ZNF737: variants seen among roughly 807,000 people sequenced by gnomAD.
ZNF737 encodes zinc finger protein 102 (Y3).
In ZNF737, 13 loss-of-function variants were observed where a neutral mutation model predicts 11.7. The observed-to-expected ratio is 1.11, with a 90% CI of 0.73 to 1.77. The LOEUF (loss-of-function observed/expected upper bound fraction) is 1.77, where lower values mean the gene tolerates loss of function less well. Among genes scored for constraint, ZNF737 ranks in the 40% most tolerant of loss-of-function variants. ZNF737 has a pLI of 0.00. For synonymous variants in ZNF737, 217 were observed against 216.2 expected (o/e 1.00, Z -0.03); for missense variants, 636 against 638.0 (o/e 1.00, Z 0.03).
At chr19:20,554,893 A>T (rs1207000598) in intron 1 of ZNF737, among the ~76,000 whole-genome samples, 8 of 143,698 alleles carry the variant, frequency 5.6e-5, no homozygotes, top group Admixed American at 5.0e-4. Flanking sequence ...GCAAAGTCTC[A>T]CTCTTGTCCC....
chr19:20,559,937 C>T (rs1370666818), intron 1 of ZNF737, among the ~76,000 whole-genome samples: 2 of 151,420 alleles, frequency 1.3e-5, no homozygotes, highest in East Asian at 2.0e-4. Flanking sequence ...GAGGCCGAGG[C>T]GGGTGGATCA....
Position 20,544,640 on chromosome 19 carries a change from G to C in ZNF737, c.1563C>G (p.Pro521=). Residue 521 remains proline (P), a synonymous_variant, in exon 4 of 4, where the codon CCC becomes CCG. Coordinates refer to ENST00000427401, the MANE Select transcript of ZNF737 (RefSeq NM_001159293.2). The part of the protein sequence containing the change: ...CEECGKGFKC[P]STLTTHKVIH... Reference sequence around the variant, plus strand: ...TTACCTTATGTGTAGTAAGGGTAGAGGGGCACTTAAAGCCTTTGCCACATT... The same window carrying C: ...TTACCTTATGTGTAGTAAGGGTAGACGGGCACTTAAAGCCTTTGCCACATT... The C allele has an allele frequency of 6.2e-7, 1 of 1,608,844 alleles. No homozygotes were observed.
chr19:20,548,982 A>AAAAAAAG, intron 3 of ZNF737, among the ~76,000 whole-genome samples: 1 of 57,424 alleles, frequency 1.7e-5, no homozygotes, highest in Non-Finnish European at 3.5e-5. Flanking sequence ...AAAAAAAAAC[A>AAAAAAAG]ATTATGTATC....
chr19:20,558,408 T>G (rs1467716583), intron 1 of ZNF737, among the ~76,000 whole-genome samples: 1 of 152,176 alleles, frequency 6.6e-6, no homozygotes, highest in Non-Finnish European at 1.5e-5. Context: ...GACACATCTA[T>G]GTATTGCACC....
chr19:20,536,769 T>C (rs33940), downstream of ZNF737, among the ~76,000 whole-genome samples: 92,376 of 152,002 alleles, frequency 0.61, 28,426 homozygotes, highest in East Asian at 0.75. Context: ...TGGCTAAACC[T>C]CTTCTCTACT....
In ZNF737 at chr19:20,538,715, T is replaced by G; in HGVS notation, c.*5877A>C. Reference sequence around the variant, plus strand: ...AAAGAGACAGTAAGGAAATGCTGAGTGGAGGCACCACACTGCACATCAATG... The same window carrying G: ...AAAGAGACAGTAAGGAAATGCTGAGGGGAGGCACCACACTGCACATCAATG... On this transcript the variant is annotated 3_prime_UTR_variant, in exon 4 of 4. Transcript: ENST00000427401. The G allele has an allele frequency of 1.0e-6, 1 of 985,340 alleles. No homozygotes were observed. Among genetic ancestry groups the G allele is most frequent in the Non-Finnish European group, 1.2e-6 (1 of 829,894 alleles). 61.0% of individuals were successfully genotyped at this position (985,340 alleles called of 1,614,324 possible).
At chr19:20,556,207 A>G (rs1555761143) in intron 1 of ZNF737, among the ~76,000 whole-genome samples, 1 of 152,176 alleles carries the variant, frequency 6.6e-6, no homozygotes, top group African/African-American at 2.4e-5. Context: ...CAAAGGTGGA[A>G]CTTAACGCTC....
chr19:20,534,170 G>A (rs1253380474), downstream of ZNF737, among the ~76,000 whole-genome samples: 5 of 150,088 alleles, frequency 3.3e-5, no homozygotes, highest in East Asian at 2.0e-4. Context: ...GAGCTGGGCC[G>A]GTGGCTCATG....
chr19:20,531,267 G>GAGGGGAC (rs1283810189), downstream of ZNF737, among the ~76,000 whole-genome samples: 9 of 139,666 alleles, frequency 6.4e-5, no homozygotes, highest in African/African-American at 2.5e-4. Flanking sequence ...GGAGAGGGGA[G>GAGGGGAC]GGGAGAGGGG....
chr19:20,553,633 A>G (rs782250798), intron 2 of ZNF737, 76 bp downstream of exon 2: 16 of 1,405,362 alleles, frequency 1.1e-5, no homozygotes, highest in Non-Finnish European at 1.5e-5. Flanking sequence ...AGAATAAATT[A>G]CTAAAAAAAT....
chr19:20,543,398 A>T lies in ZNF737; in HGVS notation c.*1194T>A. The T allele has an allele frequency of 1.0e-6, 1 of 986,370 alleles. No homozygotes were observed. Among genetic ancestry groups the T allele is most frequent in the Non-Finnish European group, 1.2e-6 (1 of 829,670 alleles). The allele number at this position is 986,370 out of a possible 1,614,324, so 61.1% of individuals were successfully genotyped here. The stretch of plus-strand genomic sequence containing the variant: ...TGTAATGCTTGTCTTCACAATAAAT[A>T]CTCTTCTTCACTTTAAAGGCTTATA... On this transcript the variant is annotated 3_prime_UTR_variant, in exon 4 of 4. Transcript: ENST00000427401.
At chr19:20,564,450 A>G (rs1434852390) in intron 1 of ZNF737, among the ~76,000 whole-genome samples, 1 of 151,964 alleles carries the variant, frequency 6.6e-6, no homozygotes, top group Non-Finnish European at 1.5e-5. Context: ...TTCCTTGGTA[A>G]CTAGCATTCC....
At chr19:20,549,649 G>C (rs1225371154) in intron 3 of ZNF737, among the ~76,000 whole-genome samples, 2 of 151,952 alleles carry the variant, frequency 1.3e-5, no homozygotes, top group African/African-American at 2.4e-5. Flanking sequence ...AAATTGTCAG[G>C]CCGGGCACAG....
At position 20,538,652 on chromosome 19, in the gene ZNF737, T is replaced by C. The variant is rs897272397; in HGVS notation, c.*5940A>G. 1.0e-6 allele frequency: 1 copy of C among 985,014 alleles called. No individual in the cohort carries two copies. Among genetic ancestry groups the C allele is most frequent in the Admixed American group, 6.2e-5 (1 of 16,260 alleles). 61.0% of individuals were successfully genotyped at this position (985,014 alleles called of 1,614,324 possible). On this transcript the variant is annotated 3_prime_UTR_variant, in exon 4 of 4. Transcript: ENST00000427401. ...AGAACAAACATTTCTAAAACCATTATGGACCCTGAGTAATTCAGGGGGAAT... is the reference window on the plus strand; with the variant it reads ...AGAACAAACATTTCTAAAACCATTACGGACCCTGAGTAATTCAGGGGGAAT...
At chr19:20,547,345 C>T (rs1200624768) in intron 3 of ZNF737, among the ~76,000 whole-genome samples, 3 of 144,128 alleles carry the variant, frequency 2.1e-5, no homozygotes, top group African/African-American at 7.8e-5. Context: ...TGCGTCACTG[C>T]ACTCCAGCCA....
At chr19:20,533,593 A>G (rs552315434), downstream of ZNF737, among the ~76,000 whole-genome samples, 9 of 150,368 alleles carry the variant, frequency 6.0e-5, no homozygotes, top group African/African-American at 1.7e-4. Flanking sequence ...GCTCAGTAGC[A>G]TGTCAGAATA....
Position 20,544,147 on chromosome 19 carries a change from A to C in ZNF737, c.*445T>G, listed in dbSNP as rs1555755773. 1.0e-6 allele frequency: 1 copy of C among 1,002,496 alleles called. No individual in the cohort carries two copies. The highest frequency in any genetic ancestry group is 1.2e-6 in the Non-Finnish European group (1 of 840,274). The allele number at this position is 1,002,496 out of a possible 1,614,324, so 62.1% of individuals were successfully genotyped here. A position where few individuals can be genotyped will look rare whatever the true frequency, so the allele number is the denominator to read the frequency against. On this transcript the variant is annotated 3_prime_UTR_variant, in exon 4 of 4. Coordinates refer to ENST00000427401, the MANE Select transcript of ZNF737 (RefSeq NM_001159293.2). ...TCATCTCAAAAAAAAAAATATTGAA[A>C]ACTTGTTATAGGATTTGCCACATTC...
intron 1 of ZNF737, among the ~76,000 whole-genome samples, chr19:20,555,551 T>C (rs1474701803): frequency 5.3e-5 from 8 of 152,218 alleles, no homozygotes; most frequent in African/African-American, 7.2e-5. Flanking sequence ...CAACATTACA[T>C]GTTCTCCATC....
rs1305503235 is a variant in ZNF737, at chr19:20,539,872, G to T, written c.*4720C>A. On this transcript the variant is annotated 3_prime_UTR_variant, in exon 4 of 4. Transcript: ENST00000427401. ...TAGAATGAGTTCAGCCTTGTTGGTA[G>T]ACTATTGGTATCCCAGAGGCTGATC... 4.1e-6 allele frequency: 4 copies of T among 985,144 alleles called. No homozygotes were observed. In the Admixed American group the frequency reaches 2.5e-4, roughly 61 times the overall value. 61.0% of individuals were successfully genotyped at this position (985,144 alleles called of 1,614,324 possible). A position where few individuals can be genotyped will look rare whatever the true frequency, so the allele number is the denominator to read the frequency against.
Sources: allele counts gnomAD v4.1 joint callset (sites outside exome capture counted in the v4.1 genomes callset), GRCh38; gene constraint gnomAD v4.1.1; transcripts MANE v1.5; gene names NCBI Gene and HGNC (gene_info 2026-07-23, HGNC 2026-07-21).